ABHD8: variants seen among roughly 807,000 people sequenced by gnomAD.
ABHD8 encodes abhydrolase domain containing 8.
ABHD8 carries 10 observed loss-of-function variants against 29.3 expected under a neutral mutation model. The observed-to-expected ratio is 0.34, with a 90% CI of 0.21 to 0.58. The LOEUF is 0.58. ABHD8 is among the 20% of genes least tolerant of loss of function. The pLI, the probability that ABHD8 is intolerant of heterozygous loss-of-function variation, is 0.85. For synonymous variants in ABHD8, 282 were observed against 274.6 expected (o/e 1.03, Z -0.27); for missense variants, 556 against 615.3 (o/e 0.90, Z 1.02).
At chr19:17,300,173 G>T (rs2145658327) in intron 2 of ABHD8, among the ~76,000 whole-genome samples, 1 of 151,980 alleles carries the variant, frequency 6.6e-6, no homozygotes, top group East Asian at 1.9e-4. Flanking sequence ...CAAAGTGCTG[G>T]GATTACAGGC....
intron 2 of ABHD8, 103 bp from the exon 3 acceptor site, chr19:17,294,948 C>G (rs1027998565): frequency 1.2e-5 from 16 of 1,371,102 alleles, no homozygotes; most frequent in African/African-American, 2.9e-5. Flanking sequence ...TTGTTTGAGA[C>G]AGTTTTACTC....
chr19:17,297,721 A>G (rs906327419), intron 2 of ABHD8: 1 of 147,630 alleles, frequency 6.8e-6, no homozygotes, highest in Non-Finnish European at 1.5e-5. Context: ...TTAGATACTT[A>G]TGTAACTTCT....
In ABHD8 at chr19:17,301,361, G is replaced by C. The variant is rs779278939; in HGVS notation, c.256C>G (p.Arg86Gly). 2 of 1,610,474 alleles carry C rather than the reference G, an allele frequency of 1.2e-6. No homozygotes were observed. Reference protein sequence around the residue: ...VRCQRRITVYRNGRLLVENLG... With the variant: ...VRCQRRITVYGNGRLLVENLG... ...TTTTCCACCAGCAACCGCCCATTGC[G>C]GTACACGGTGATCCGGCGCTGACAG... Residue 86 changes from arginine to glycine, a missense_variant, in exon 2 of 5, where the codon CGC (arginine) becomes GGC (glycine). This residue lies in a region of ABHD8 where 286 missense variants were observed against 261.4 expected (regional missense o/e 1.09). Transcript: ENST00000247706.
intron 2 of ABHD8, among the ~76,000 whole-genome samples, chr19:17,299,260 T>G (rs531031435): frequency 6.9e-6 from 1 of 145,850 alleles, no homozygotes; most frequent in Non-Finnish European, 1.5e-5. Flanking sequence ...CTATATAATT[T>G]TTTTTTGAAC....
rs1038513339 is a variant in ABHD8, at chr19:17,303,297, C to A, written c.-64G>T. On this transcript the variant is annotated 5_prime_UTR_variant, in exon 1 of 5. Transcript: ENST00000247706. ...GCGGAGGGGTCCCAGGCGGAGAAGCCAGCGTCCGCCTGCTGGCGCCGTTTA... is the reference window on the plus strand; with the variant it reads ...GCGGAGGGGTCCCAGGCGGAGAAGCAAGCGTCCGCCTGCTGGCGCCGTTTA... 3 of 152,324 alleles carry A rather than the reference C, an allele frequency of 2.0e-5. No homozygotes were observed. The highest frequency in any genetic ancestry group is 4.4e-5 in the Non-Finnish European group (3 of 68,112). The allele number at this position is 152,324 out of a possible 1,614,324, so 9.4% of individuals were successfully genotyped here.
rs370047329 is a variant in ABHD8 at position 17,301,164 on chromosome 19, G to C, written c.453C>G (p.Ala151=). The stretch of plus-strand genomic sequence containing the variant: ...TATGGATGGTCCTCTTGGGGCGCCT[G>C]GCTCGCCGCCGCCGCCCACCACTGC... ...GSGSGGRRRR[A]RRPKRTIHID... Residue 151 remains alanine (A), a synonymous_variant, in exon 2 of 5, where the codon GCC becomes GCG. Transcript: ENST00000247706. 2 of 1,610,312 alleles carry C rather than the reference G, an allele frequency of 1.2e-6. No individual in the cohort carries two copies. The highest frequency in any genetic ancestry group is 1.3e-5 in the African/African-American group (1 of 75,030).
At position 17,294,950 on chromosome 19, in the gene ABHD8, G is replaced by C. The variant is rs950390668; in HGVS notation, c.762-105C>G. On this transcript the variant is annotated intron_variant, in intron 2 of 4. Coordinates refer to ENST00000247706, the MANE Select transcript of ABHD8 (RefSeq NM_024527.5). ...TTTGTTTTTGTTTTTGTTTGAGACA[G>C]TTTTACTCTGTCCCCCAGGCTGGAA... 6.6e-6 allele frequency: 9 copies of C among 1,353,702 alleles called. No homozygotes were observed. In the Admixed American group the frequency reaches 1.9e-4, roughly 28 times the overall value. The allele number at this position is 1,353,702 out of a possible 1,614,324, so 83.9% of individuals were successfully genotyped here. A position where few individuals can be genotyped will look rare whatever the true frequency, so the allele number is the denominator to read the frequency against.
chr19:17,300,327 T>G (rs1485420106), intron 2 of ABHD8, among the ~76,000 whole-genome samples: 1 of 151,898 alleles, frequency 6.6e-6, no homozygotes, highest in Non-Finnish European at 1.5e-5. Flanking sequence ...GCCTCAGCCC[T>G]TAAGTAGGTG....
At chr19:17,297,733 T>G (rs911766478) in intron 2 of ABHD8, 1 of 143,886 alleles carries the variant, frequency 6.9e-6, no homozygotes, top group Admixed American at 7.3e-5. Context: ...GTAACTTCTT[T>G]GTTTTCTTTT....
At position 17,294,338 on chromosome 19, in the gene ABHD8, C is replaced by A; in HGVS notation, c.1099G>T (p.Gly367Cys). The A allele has an allele frequency of 6.2e-7, 1 of 1,612,470 alleles. No homozygotes were observed. Among genetic ancestry groups the A allele is most frequent in the Non-Finnish European group, 8.5e-7 (1 of 1,179,974 alleles). Residue 367 changes from glycine to cysteine, a missense_variant, in exon 4 of 5, where the codon GGC becomes TGC. Coordinates refer to ENST00000247706, the MANE Select transcript of ABHD8 (RefSeq NM_024527.5). Reference sequence around the variant, plus strand: ...ACCGGCACAAACTTATCGTGCATGCCGTGGACAAGCAGGACGGGCACGGTG... The same window carrying A: ...ACCGGCACAAACTTATCGTGCATGCAGTGGACAAGCAGGACGGGCACGGTG... ...ELTVPVLLVH[G>C]MHDKFVPVEE...
intron 4 of ABHD8, 83 bp downstream of exon 4, chr19:17,294,186 GCACGCCCACCAAGCGCTAC>G (rs1266906678): frequency 2.1e-6 from 3 of 1,395,768 alleles, no homozygotes; most frequent in Non-Finnish European, 2.9e-6. Flanking sequence ...CGGGAAGAAA[GCACGCCCACCAAGCGCTAC>G]CACGCCCCCC....
chr19:17,302,714 T>G (rs1390069384), intron 1 of ABHD8, among the ~76,000 whole-genome samples: 1 of 152,128 alleles, frequency 6.6e-6, no homozygotes, highest in Non-Finnish European at 1.5e-5. Flanking sequence ...TCCCCAGAGG[T>G]GGCGAAGAGG....
chr19:17,294,081 C>G (rs1017546563), intron 4 of ABHD8, among the ~76,000 whole-genome samples: 3 of 152,134 alleles, frequency 2.0e-5, no homozygotes, highest in African/African-American at 7.2e-5. Flanking sequence ...TTTCTAGATT[C>G]TACTTCTGAT....
chr19:17,301,397 C>G lies in ABHD8; in HGVS notation c.220G>C (p.Gly74Arg), dbSNP rs749014928. The change falls in exon 2 of 5, where the codon GGC becomes CGC. Residue 74 changes from glycine (G) to arginine (R), a missense_variant. Physicochemically the swap from Gly to Arg is moderately radical, Grantham distance 125. Transcript: ENST00000247706. ...ATCCGGCGCTGACAGCGGACCAAGC[C>G]GGAGAGGTCCCCCTGGGCTGCATCC... ...SSDAAQGDLS[G>R]LVRCQRRITV... 1.2e-6 allele frequency: 2 copies of G among 1,611,898 alleles called. No homozygotes were observed. The highest frequency in any genetic ancestry group is 1.1e-5 in the South Asian group (1 of 91,084).
chr19:17,300,388 G>A (rs2074111981), intron 2 of ABHD8, among the ~76,000 whole-genome samples: 1 of 151,914 alleles, frequency 6.6e-6, no homozygotes, highest in South Asian at 2.1e-4. Context: ...ACTTTTTGTA[G>A]AGCTAGGGGG....
Position 17,301,504 on chromosome 19 carries a change from A to G in ABHD8, c.113T>C (p.Val38Ala). The change falls in exon 2 of 5, where the codon GTC becomes GCC. Residue 38 changes from valine to alanine, a missense_variant. Coordinates refer to ENST00000247706, the MANE Select transcript of ABHD8 (RefSeq NM_024527.5). ...CACCCGCAGCACGCGGCCGGGCTTG[A>G]CCTCTACAAAGGTGTAGCCATCGCT... is the stretch of plus-strand genomic sequence containing the variant. ...ESSDGYTFVEVKPGRVLRVKH... is the reference protein window; with the variant it reads ...ESSDGYTFVEAKPGRVLRVKH... The G allele has an allele frequency of 1.2e-6, 2 of 1,611,626 alleles. No homozygotes were observed. Among genetic ancestry groups the G allele is most frequent in the Non-Finnish European group, 1.7e-6 (2 of 1,179,680 alleles).
chr19:17,301,191 ACTGCCGCTGCCG>A lies in ABHD8; in HGVS notation c.414_425del (p.Ser142_Gly145del). ...CTCGCCGCCGCCGCCCACCACTGCC[ACTGCCGCTGCCG>A]CTGCCTGCGCTGCCGGGGGCCAAGC... On this transcript the variant is annotated inframe_deletion, in exon 2 of 5. Coordinates refer to ENST00000247706, the MANE Select transcript of ABHD8 (RefSeq NM_024527.5). 1 of 1,604,594 alleles carries A rather than the reference ACTGCCGCTGCCG, an allele frequency of 6.2e-7. No individual in the cohort carries two copies. The highest frequency in any genetic ancestry group is 8.5e-7 in the Non-Finnish European group (1 of 1,177,800).
intron 2 of ABHD8, among the ~76,000 whole-genome samples, chr19:17,299,236 C>G (rs548523285): frequency 7.3e-6 from 1 of 137,344 alleles, no homozygotes; most frequent in East Asian, 2.1e-4. Context: ...ATAATGAGAC[C>G]CCCCCCCCAT....
At chr19:17,303,140 T>A (rs2074128922) in intron 1 of ABHD8, 102 bp downstream of exon 1, 1 of 152,346 alleles carries the variant, frequency 6.6e-6, no homozygotes, top group Non-Finnish European at 1.5e-5. Context: ...TGGGGCTCCG[T>A]GGCTTCCTAC....
Sources: allele counts gnomAD v4.1 joint callset (sites outside exome capture counted in the v4.1 genomes callset), GRCh38; gene constraint gnomAD v4.1.1; regional missense constraint gnomAD v4.1.1; transcripts MANE v1.5; gene names NCBI Gene and HGNC (gene_info 2026-07-23, HGNC 2026-07-21).